Variants in FBXL2 observed in about 807,000 individuals in gnomAD.
FBXL2 encodes F-box and leucine rich repeat protein 2, also known as F-box/LRR-repeat protein 2.
A neutral mutation model predicts 69.2 loss-of-function variants in FBXL2; 38 were observed. The ratio of observed to expected loss-of-function variants is 0.55; its 90% CI spans 0.42 to 0.72. The LOEUF (loss-of-function observed/expected upper bound fraction) is 0.72, where lower values mean the gene tolerates loss of function less well. FBXL2 is among the 30% of genes least tolerant of loss of function. The pLI, the probability that FBXL2 is intolerant of heterozygous loss-of-function variation, is 0.00. For synonymous variants in FBXL2, 192 were observed against 201.3 expected (o/e 0.95, Z 0.39); for missense variants, 354 against 520.3 (o/e 0.68, Z 3.11).
chr3:33,286,692 C>T (rs1018358380), intron 1 of FBXL2, among the ~76,000 whole-genome samples: 4 of 152,214 alleles, frequency 2.6e-5, no homozygotes, highest in South Asian at 2.1e-4. Flanking sequence ...CCGCCCAGTT[C>T]GAGCTTCCCG....
intron 2 of FBXL2, 82 bp from the exon 3 acceptor site, chr3:33,358,885 G>A (rs2041408107): frequency 3.6e-6 from 3 of 826,198 alleles, no homozygotes; most frequent in South Asian, 4.6e-5. Flanking sequence ...CCAGGTGGCG[G>A]ATTAGAGTTT....
chr3:33,398,222 CACTT>C (rs1218370363), intron 12 of FBXL2: 1 of 152,126 alleles, frequency 6.6e-6, no homozygotes, highest in Non-Finnish European at 1.5e-5. Flanking sequence ...GATAAATAGC[CACTT>C]ACATATGTAG....
chr3:33,407,173 A>G (rs1020206027), downstream of FBXL2, among the ~76,000 whole-genome samples: 1 of 152,238 alleles, frequency 6.6e-6, no homozygotes, highest in Non-Finnish European at 1.5e-5. Flanking sequence ...GAACAAAATC[A>G]AATACAGCCA....
intron 5 of FBXL2, among the ~76,000 whole-genome samples, chr3:33,368,040 T>TAATTCAATTC (rs1191856883): frequency 6.6e-6 from 1 of 152,246 alleles, no homozygotes; most frequent in African/African-American, 2.4e-5. Flanking sequence ...TAATGATTCC[T>TAATTCAATTC]AATTCAATTC....
intron 5 of FBXL2, among the ~76,000 whole-genome samples, chr3:33,365,039 C>T (rs2041863253): frequency 6.6e-6 from 1 of 152,192 alleles, no homozygotes; most frequent in African/African-American, 2.4e-5. Context: ...GTGCCTACCT[C>T]TTTTCTATTC....
chr3:33,316,733 C>T (rs1457630027), intron 2 of FBXL2, among the ~76,000 whole-genome samples: 1 of 152,092 alleles, frequency 6.6e-6, no homozygotes, highest in Non-Finnish European at 1.5e-5. Flanking sequence ...TGTGGGGATA[C>T]TTTATCACTT....
At chr3:33,291,471 A>G (rs1010325238) in intron 1 of FBXL2, among the ~76,000 whole-genome samples, 13 of 152,188 alleles carry the variant, frequency 8.5e-5, no homozygotes, top group African/African-American at 3.1e-4. Context: ...AATATAAGGG[A>G]CCTTTTAAAA....
At chr3:33,358,689 A>G (rs967755814) in intron 2 of FBXL2, among the ~76,000 whole-genome samples, 1 of 152,236 alleles carries the variant, frequency 6.6e-6, no homozygotes, top group Non-Finnish European at 1.5e-5. Context: ...AGAACCAGTT[A>G]TGGTCTTTCC....
chr3:33,379,674 A>C (rs1054528606), intron 13 of FBXL2, among the ~76,000 whole-genome samples: 8 of 149,634 alleles, frequency 5.3e-5, no homozygotes, highest in Non-Finnish European at 8.9e-5. Flanking sequence ...CCAAACAAAA[A>C]TTGTACCAAA....
intron 2 of FBXL2, among the ~76,000 whole-genome samples, chr3:33,333,973 A>G (rs925430813): frequency 6.6e-6 from 1 of 152,162 alleles, no homozygotes; most frequent in Non-Finnish European, 1.5e-5. Flanking sequence ...AGCCAAACAC[A>G]GCTGATCTAA....
In FBXL2 at chr3:33,289,680, A is replaced by T. The variant is rs929397167; in HGVS notation, c.4-7984A>T. On this transcript the variant is annotated intron_variant, in intron 1 of 14. Transcript: ENST00000484457. ...TTTGGAATCCTGAGGAGTTCCAGCTACAGTGCAGGACTACACCTACCTGCC... is the reference window on the plus strand; with the variant it reads ...TTTGGAATCCTGAGGAGTTCCAGCTTCAGTGCAGGACTACACCTACCTGCC... 9.2e-5 allele frequency: 78 copies of T among 850,236 alleles called. No homozygotes were observed. In the African/African-American group the frequency reaches 1.3e-3, roughly 14 times the overall value. The allele number at this position is 850,236 out of a possible 1,614,324, so 52.7% of individuals were successfully genotyped here.
chr3:33,387,714 G>GGACTT lies in FBXL2; in HGVS notation c.*2109_*2113dup, dbSNP rs774328213. ...CAACCTATCATCAGTCACAGCTATT[G>GGACTT]GACTTGATGCTCAATGATCCATGGC... On this transcript the variant is annotated 3_prime_UTR_variant, in exon 15 of 15. Coordinates refer to ENST00000484457, the MANE Select transcript of FBXL2 (RefSeq NM_012157.5). The GGACTT allele has an allele frequency of 9.9e-5, 15 of 152,122 alleles. No individual in the cohort carries two copies. Among genetic ancestry groups the GGACTT allele is most frequent in the Admixed American group, 2.0e-4 (3 of 15,276 alleles). 9.4% of individuals were successfully genotyped at this position (152,122 alleles called of 1,614,324 possible).
At chr3:33,356,898 A>G (rs989520419) in intron 2 of FBXL2, among the ~76,000 whole-genome samples, 2 of 152,196 alleles carry the variant, frequency 1.3e-5, no homozygotes, top group Non-Finnish European at 2.9e-5. Context: ...TTTCTTTCTC[A>G]GGATCTAGCC....
At chr3:33,356,692 AT>A (rs1457927097) in intron 2 of FBXL2, among the ~76,000 whole-genome samples, 1 of 152,118 alleles carries the variant, frequency 6.6e-6, no homozygotes, top group African/African-American at 2.4e-5. Context: ...GAGAGGGGCA[AT>A]TACAAAAGTT....
chr3:33,301,393 T>C (rs1418220477), intron 2 of FBXL2, among the ~76,000 whole-genome samples: 2 of 152,182 alleles, frequency 1.3e-5, no homozygotes, highest in African/African-American at 4.8e-5. Flanking sequence ...AATTCTCAAC[T>C]AGCTTCCAAT....
chr3:33,287,247 T>C (rs1430299280), intron 1 of FBXL2, among the ~76,000 whole-genome samples: 1 of 152,154 alleles, frequency 6.6e-6, no homozygotes, highest in African/African-American at 2.4e-5. Context: ...ATGAGATCTA[T>C]GTTAATAGAT....
intron 2 of FBXL2, among the ~76,000 whole-genome samples, chr3:33,323,629 G>A (rs1262843934): frequency 6.6e-6 from 1 of 152,100 alleles, no homozygotes; most frequent in Non-Finnish European, 1.5e-5. Context: ...TCCCTGTAAA[G>A]GATATTAACT....
Position 33,385,654 on chromosome 3 carries a change from A to G in FBXL2, c.*46A>G, listed in dbSNP as rs528713577. On this transcript the variant is annotated 3_prime_UTR_variant, in exon 15 of 15. Transcript: ENST00000484457. ...GGGGTGATGAGGCATCCTTTCCTCT[A>G]GAAGACCTGAGTCTTCCTGACCGAC... 3 of 1,463,922 alleles carry G rather than the reference A, an allele frequency of 2.0e-6. No individual in the cohort carries two copies. Among genetic ancestry groups the G allele is most frequent in the East Asian group, 4.5e-5 (2 of 44,190 alleles). 90.7% of individuals were successfully genotyped at this position (1,463,922 alleles called of 1,614,324 possible).
In FBXL2 at chr3:33,310,032, A is replaced by G. The variant is rs571729193; in HGVS notation, c.65+12307A>G. On this transcript the variant is annotated intron_variant, in intron 2 of 14. Transcript: ENST00000484457. ...AAAAAAAGTCACATACAAAAACTCTACATTGTTTCTTTCCTCCCCTTGACA... is the reference window on the plus strand; with the variant it reads ...AAAAAAAGTCACATACAAAAACTCTGCATTGTTTCTTTCCTCCCCTTGACA... Among the ~76,000 whole-genome samples, 8 of 152,242 alleles carry G rather than the reference A, an allele frequency of 5.3e-5. No homozygotes were observed. The South Asian group carries it at 1.7e-3, about 32-fold the overall frequency.
Sources: gnomAD v4.1 joint callset for allele counts (sites outside exome capture counted in the v4.1 genomes callset) on GRCh38, gnomAD v4.1.1 for gene constraint, MANE v1.5 for transcripts, NCBI Gene and HGNC (gene_info 2026-07-23, HGNC 2026-07-21) for gene names.